The following C10orf67 variants were observed in gnomAD, a reference collection of about 807,000 sequenced individuals.
C10orf67 encodes the protein uncharacterized protein C10orf67, mitochondrial.
Under a neutral mutation model 35.6 loss-of-function variants are expected in C10orf67, and 60 were observed. The observed-to-expected ratio is 1.68, with a 90% confidence interval of 1.37 to 2.09. The LOEUF (loss-of-function observed/expected upper bound fraction) is 2.09. Ranked by LOEUF, C10orf67 falls within the 30% of genes most tolerant of loss-of-function variation. The pLI is 0.00. For missense variants in C10orf67, 474 were observed against 330.2 expected (o/e 1.44, Z -3.38); for synonymous variants, 167 against 115.8 (o/e 1.44, Z -2.84).
At chr10:23,247,049 C>CA (rs1588612964) in intron 12 of C10orf67, among the ~76,000 whole-genome samples, 1 of 151,676 alleles carries the variant, frequency 6.6e-6, no homozygotes, top group Admixed American at 6.6e-5. Context: ...ACAAAAGAGT[C>CA]AAAAAGTTTT....
intron 12 of C10orf67, among the ~76,000 whole-genome samples, chr10:23,241,626 G>C (rs1330014098): frequency 6.6e-6 from 1 of 152,120 alleles, no homozygotes; most frequent in East Asian, 1.9e-4. Flanking sequence ...TCTTGAGATA[G>C]AGTAATTATT....
At chr10:23,265,057 C>T (rs915922623) in intron 10 of C10orf67, among the ~76,000 whole-genome samples, 2 of 152,198 alleles carry the variant, frequency 1.3e-5, no homozygotes, top group Admixed American at 1.3e-4. Context: ...CAAAATTTAC[C>T]CTCTTCCAGT....
intron 2 of C10orf67, among the ~76,000 whole-genome samples, chr10:23,331,989 G>A (rs1345467985): frequency 6.6e-6 from 1 of 152,202 alleles, no homozygotes; most frequent in Non-Finnish European, 1.5e-5. Context: ...GTGTAAATTG[G>A]TAAAATCTCT....
At chr10:23,318,868 C>T (rs1258179937) in intron 4 of C10orf67, 1 of 776,032 alleles carries the variant, frequency 1.3e-6, no homozygotes, top group Non-Finnish European at 2.4e-6. Context: ...ATCTTTCCAC[C>T]TTGCTACCTT....
chr10:23,284,155 T>C (rs933644733), intron 7 of C10orf67, among the ~76,000 whole-genome samples: 1 of 150,656 alleles, frequency 6.6e-6, no homozygotes, highest in Non-Finnish European at 1.5e-5. Context: ...CGTGGTTATC[T>C]GAAGGCTTCT....
rs561556744 is a variant in C10orf67, at chr10:23,263,838, T to C, written c.1200+2424A>G. Among the ~76,000 whole-genome samples, 7 of 152,334 alleles carry C rather than the reference T, an allele frequency of 4.6e-5. No homozygotes were observed. In the East Asian group the frequency reaches 9.6e-4, roughly 21 times the overall value. ...CACATATCAAAAAACAAACTTTACA[T>C]AAAAGCACTGTACAAATACAAATTT... On this transcript the variant is annotated intron_variant, in intron 10 of 15. Transcript: ENST00000636213.
At chr10:23,259,304 G>A (rs992856238) in intron 10 of C10orf67, among the ~76,000 whole-genome samples, 2 of 152,108 alleles carry the variant, frequency 1.3e-5, no homozygotes, top group African/African-American at 4.8e-5. Flanking sequence ...GTTTCCTAAT[G>A]AAAAATGCAG....
rs186662853 is a variant in C10orf67 at position 23,287,078 on chromosome 10, T to G, written c.909+2822A>C. ...AAGTAATTTATAGATTCAATGCTAT[T>G]TCCATCAAACTACCATTGACATTCT... On this transcript the variant is annotated intron_variant, in intron 7 of 15. Coordinates refer to ENST00000636213, the MANE Select transcript of C10orf67 (RefSeq NM_001371909.1). 7.9e-4 allele frequency among the ~76,000 whole-genome samples: 120 copies of G among 152,320 alleles called. 2 individuals are homozygous for G. Among genetic ancestry groups the G allele is most frequent in the Admixed American group, 3.1e-3 (48 of 15,296 alleles).
intron 2 of C10orf67, among the ~76,000 whole-genome samples, chr10:23,330,011 CAT>C (rs1487123403): frequency 1.3e-5 from 2 of 152,066 alleles, no homozygotes; most frequent in Non-Finnish European, 2.9e-5. Flanking sequence ...GGAGAAAAGC[CAT>C]ATGAGTGCAT....
At chr10:23,287,620 C>T (rs536280067) in intron 7 of C10orf67, among the ~76,000 whole-genome samples, 49 of 152,232 alleles carry the variant, frequency 3.2e-4, no homozygotes, top group Middle Eastern at 3.4e-3. Context: ...CCAAAATTGA[C>T]GAATGGGATC....
chr10:23,207,426 C>T (rs926405714), intron 15 of C10orf67, among the ~76,000 whole-genome samples: 3 of 151,756 alleles, frequency 2.0e-5, no homozygotes, highest in Non-Finnish European at 2.9e-5. Context: ...TTAGGTTGCT[C>T]AGGTAGTAAT....
intron 10 of C10orf67, among the ~76,000 whole-genome samples, chr10:23,252,805 C>T (rs1842493563): frequency 1.3e-5 from 2 of 152,066 alleles, no homozygotes; most frequent in Non-Finnish European, 2.9e-5. Context: ...GTACCCATGG[C>T]CTGTTTAAAT....
intron 10 of C10orf67, among the ~76,000 whole-genome samples, chr10:23,259,959 C>T (rs992694350): frequency 3.9e-5 from 6 of 152,050 alleles, no homozygotes; most frequent in African/African-American, 1.2e-4. Context: ...CAGACATATT[C>T]GAAGGTAAAG....
intron 2 of C10orf67, among the ~76,000 whole-genome samples, chr10:23,328,144 T>G (rs1845270976): frequency 6.6e-6 from 1 of 152,160 alleles, no homozygotes; most frequent in Non-Finnish European, 1.5e-5. Context: ...AATTTGTAGT[T>G]TTAACTGCCT....
At chr10:23,243,704 A>ATT (rs1842241982) in intron 12 of C10orf67, among the ~76,000 whole-genome samples, 1 of 151,892 alleles carries the variant, frequency 6.6e-6, no homozygotes. Context: ...AAAAAAAAAA[A>ATT]ATTCATTCTT....
At chr10:23,331,872 C>T (rs1845500591) in intron 2 of C10orf67, among the ~76,000 whole-genome samples, 1 of 152,028 alleles carries the variant, frequency 6.6e-6, no homozygotes, top group Non-Finnish European at 1.5e-5. Context: ...TTTGGACACA[C>T]TTAGTTACGA....
chr10:23,223,026 A>T (rs550493954), intron 15 of C10orf67, among the ~76,000 whole-genome samples: 1 of 152,284 alleles, frequency 6.6e-6, no homozygotes, highest in African/African-American at 2.4e-5. Context: ...GTTTAATTTT[A>T]AAAAAAGAAA....
At chr10:23,234,442 A>G (rs1288648402) in intron 13 of C10orf67, among the ~76,000 whole-genome samples, 1 of 152,216 alleles carries the variant, frequency 6.6e-6, no homozygotes, top group Non-Finnish European at 1.5e-5. Context: ...CAAATACTGC[A>G]TGTTCTCCCT....
At chr10:23,265,025 G>A (rs549164133) in intron 10 of C10orf67, among the ~76,000 whole-genome samples, 3 of 152,226 alleles carry the variant, frequency 2.0e-5, no homozygotes, top group African/African-American at 7.2e-5. Flanking sequence ...CTTCTAGAAC[G>A]TAGTCACTGG....
Sources: gnomAD v4.1 joint callset for allele counts (sites outside exome capture counted in the v4.1 genomes callset) on GRCh38, gnomAD v4.1.1 for gene constraint, MANE v1.5 for transcripts, NCBI Gene and HGNC (gene_info 2026-07-23, HGNC 2026-07-21) for gene names.